Variants in SPNS3 observed in about 807,000 individuals in gnomAD.
SPNS3 encodes the protein SPNS lysolipid transporter 3, sphingosine-1-phosphate (putative), also known as protein spinster homolog 3.
A neutral mutation model predicts 54.4 loss-of-function variants in SPNS3; 51 were observed. The ratio of observed to expected loss-of-function variants is 0.94; its 90% CI spans 0.75 to 1.18. SPNS3 has a LOEUF of 1.18. Among genes scored for constraint, SPNS3 ranks in the 50% most tolerant of loss-of-function variants. The probability of loss-of-function intolerance (pLI) is 0.00; values close to 1 mark genes in which losing one functional copy is unlikely to be tolerated. For synonymous variants in SPNS3, 309 were observed against 294.7 expected (o/e 1.05, Z -0.50); for missense variants, 669 against 677.4 (o/e 0.99, Z 0.14).
chr17:4,434,531 C>G (rs1335893902), intron 1 of SPNS3, among the ~76,000 whole-genome samples: 1 of 152,068 alleles, frequency 6.6e-6, no homozygotes, highest in African/African-American at 2.4e-5. Context: ...GAGTCTCGCT[C>G]TGTCGCCCAG....
In SPNS3 at chr17:4,486,206, C is replaced by A; in HGVS notation, c.1180-22C>A. On this transcript the variant is annotated intron_variant, in intron 9 of 11. Transcript: ENST00000355530. This position sits in a 1 kb window ranked among gnomAD's most constrained non-coding sequence, Gnocchi z 5.5. ...GGGTGCCCTCACTTGGGGTGCCCCC[C>A]TGCTGTGCCTATGTTTTGCAGTCTG... 1.3e-6 allele frequency: 2 copies of A among 1,518,174 alleles called. No individual in the cohort carries two copies. The highest frequency in any genetic ancestry group is 1.8e-6 in the Non-Finnish European group (2 of 1,135,792). The allele number at this position is 1,518,174 out of a possible 1,614,324, so 94.0% of individuals were successfully genotyped here.
chr17:4,449,424 C>T, intron 7 of SPNS3, 37 bp downstream of exon 7: 1 of 1,541,218 alleles, frequency 6.5e-7, no homozygotes, highest in South Asian at 1.2e-5. Context: ...CCTGGCCCGG[C>T]TCGGGGGCTC....
At chr17:4,451,439 A>C (rs1454128624) in intron 7 of SPNS3, among the ~76,000 whole-genome samples, 1 of 151,088 alleles carries the variant, frequency 6.6e-6, no homozygotes, top group Non-Finnish European at 1.5e-5. Context: ...TTTGGTAGAG[A>C]ATTTAGAGAA....
Position 4,488,092 on chromosome 17 carries a change from G to C in SPNS3, c.*198G>C. 2 of 595,656 alleles carry C rather than the reference G, an allele frequency of 3.4e-6. No homozygotes were observed. The highest frequency in any genetic ancestry group is 4.5e-4 in the Middle Eastern group (1 of 2,212). The allele number at this position is 595,656 out of a possible 1,614,324, so 36.9% of individuals were successfully genotyped here. ...TCAGCACTCTGCGTGGGAGGCCTGG[G>C]CCTGTGCCTGCATCCCGCTCAAGGC... On this transcript the variant is annotated 3_prime_UTR_variant, in exon 12 of 12. Transcript: ENST00000355530.
intron 8 of SPNS3, among the ~76,000 whole-genome samples, chr17:4,474,250 G>A (rs898069463): frequency 1.3e-5 from 2 of 152,222 alleles, no homozygotes; most frequent in South Asian, 2.1e-4. Flanking sequence ...GAAACCAGGC[G>A]GTGCCCTCGT....
intron 9 of SPNS3, chr17:4,482,119 C>T (rs1479283638): frequency 1.3e-5 from 2 of 152,340 alleles, no homozygotes; most frequent in Non-Finnish European, 2.9e-5. Flanking sequence ...ATCTCTTGAC[C>T]TCATGATCCG....
Position 4,453,113 on chromosome 17 carries a change from G to C in SPNS3, c.1021G>C (p.Glu341Gln). 6.2e-7 allele frequency: 1 copy of C among 1,614,070 alleles called. No homozygotes were observed. Among genetic ancestry groups the C allele is most frequent in the South Asian group, 1.1e-5 (1 of 91,074 alleles). Residue 341 changes from glutamate (E) to glutamine (Q), a missense_variant, in exon 8 of 12, where the codon GAG becomes CAG. Transcript: ENST00000355530. ...RRYKKVIPGAEPLICASSLLA... is the reference protein window; with the variant it reads ...RRYKKVIPGAQPLICASSLLA... ...GTACAAGAAAGTCATTCCAGGAGCT[G>C]AGCCCCTCATCTGCGCCTCCAGCCT...
chr17:4,469,134 G>A (rs769209867), intron 8 of SPNS3, among the ~76,000 whole-genome samples: 5 of 151,576 alleles, frequency 3.3e-5, no homozygotes, highest in Admixed American at 6.6e-5. Context: ...ACCCAGGCTG[G>A]AGTGCACTGG....
chr17:4,463,818 A>G (rs1480906346), intron 8 of SPNS3, among the ~76,000 whole-genome samples: 2 of 151,980 alleles, frequency 1.3e-5, no homozygotes, highest in South Asian at 2.1e-4. Context: ...GTATGTACAA[A>G]TATATCTATT....
At chr17:4,453,229 T>G in intron 8 of SPNS3, 24 bp downstream of exon 8, 1 of 1,601,282 alleles carries the variant, frequency 6.2e-7, no homozygotes, top group East Asian at 2.2e-5. Context: ...TCTATGGAGG[T>G]GGGGACAGGG....
intron 9 of SPNS3, among the ~76,000 whole-genome samples, chr17:4,482,776 C>T (rs1370974600): frequency 6.6e-6 from 1 of 152,186 alleles, no homozygotes; most frequent in African/African-American, 2.4e-5. Flanking sequence ...AGCTCCCTCC[C>T]AGCCCTGCTG....
intron 8 of SPNS3, among the ~76,000 whole-genome samples, chr17:4,453,625 A>G (rs1158996759): frequency 3.3e-5 from 5 of 151,640 alleles, no homozygotes; most frequent in Non-Finnish European, 7.4e-5. Context: ...CTTGGGGGAA[A>G]AAAACAGAGA....
intron 8 of SPNS3, among the ~76,000 whole-genome samples, chr17:4,468,773 T>TTTCTTTCTTTCTTTCTTTCTTTCTC (rs1555531917): frequency 1.9e-5 from 2 of 103,354 alleles, no homozygotes; most frequent in African/African-American, 7.0e-5. Context: ...CTCTTTCTTT[T>TTTCTTTCTTTCTTTCTTTCTTTCTC]TCTTTCTTTC....
chr17:4,486,368 G>A lies in SPNS3; in HGVS notation c.1278+42G>A, dbSNP rs763341606. The A allele has an allele frequency of 6.3e-6, 10 of 1,597,686 alleles. No individual in the cohort carries two copies. The highest frequency in any genetic ancestry group is 3.3e-4 in the Middle Eastern group (2 of 5,992). On this transcript the variant is annotated intron_variant, in intron 10 of 11. Transcript: ENST00000355530. This position sits in a 1 kb window ranked among gnomAD's most constrained non-coding sequence, Gnocchi z 5.5. ...TGTGTGGGGTGGGGAGGGTCTGGGG[G>A]CCAGGCTGGTGGGCCTGGCAGACTC...
At position 4,459,638 on chromosome 17, in the gene SPNS3, A is replaced by G. The variant is rs58128115; in HGVS notation, c.1113+6433A>G. On this transcript the variant is annotated intron_variant, in intron 8 of 11. Transcript: ENST00000355530. ...TGAGGCAGGAGAATCGCTTGAACCC[A>G]GAAGGTGGAGGTTGCGGTGAGCTGA... 6.4e-4 allele frequency among the ~76,000 whole-genome samples: 98 copies of G among 152,224 alleles called. 1 individual carries two copies. The highest frequency in any genetic ancestry group is 1.9e-3 in the African/African-American group (78 of 41,544).
At chr17:4,478,539 G>A in intron 8 of SPNS3, 33 bp from the exon 9 acceptor site, 2 of 1,553,634 alleles carry the variant, frequency 1.3e-6, no homozygotes, top group Non-Finnish European at 1.7e-6. Flanking sequence ...CTGGGATCTG[G>A]GAATCCTCAC....
At chr17:4,487,055 C>A (rs1444764326) in intron 11 of SPNS3, among the ~76,000 whole-genome samples, 1 of 151,602 alleles carries the variant, frequency 6.6e-6, no homozygotes, top group Non-Finnish European at 1.5e-5. Context: ...ACCTGTAGTC[C>A]CAGCTACTCA....
chr17:4,458,137 C>T (rs1263358368), intron 8 of SPNS3, among the ~76,000 whole-genome samples: 2 of 151,806 alleles, frequency 1.3e-5, no homozygotes, highest in Non-Finnish European at 2.9e-5. Context: ...CCCAGGCCTA[C>T]CCTCCTCTCC....
At chr17:4,450,943 A>G (rs1971148254) in intron 7 of SPNS3, among the ~76,000 whole-genome samples, 1 of 151,876 alleles carries the variant, frequency 6.6e-6, no homozygotes, top group Admixed American at 6.6e-5. Flanking sequence ...CTTGGCTGTA[A>G]GAGTCTGTGA....
Sources: gnomAD v4.1 joint callset for allele counts (sites outside exome capture counted in the v4.1 genomes callset) on GRCh38, gnomAD v4.1.1 for gene constraint, Gnocchi (gnomAD v3.1) non-coding constraint, MANE v1.5 for transcripts, NCBI Gene and HGNC (gene_info 2026-07-23, HGNC 2026-07-21) for gene names.